ZNF385D: variants seen among roughly 807,000 people sequenced by gnomAD.
ZNF385D encodes zinc finger protein 385D.
ZNF385D carries 15 observed loss-of-function variants against 35.8 expected under a neutral mutation model. The ratio of observed to expected loss-of-function variants is 0.42; its 90% CI spans 0.28 to 0.64. The LOEUF (loss-of-function observed/expected upper bound fraction) is 0.64. Among genes scored for constraint, ZNF385D ranks in the 30% least tolerant of loss-of-function variants. The pLI, the probability that ZNF385D is intolerant of heterozygous loss-of-function variation, is 0.23. For synonymous variants in ZNF385D, 212 were observed against 186.8 expected (o/e 1.13, Z -1.10); for missense variants, 474 against 494.6 (o/e 0.96, Z 0.39).
At chr3:22,086,740 A>G (rs1576295361) in intron 3 of ZNF385D, among the ~76,000 whole-genome samples, 1 of 152,198 alleles carries the variant, frequency 6.6e-6, no homozygotes, top group East Asian at 1.9e-4. Flanking sequence ...ACACCATGGA[A>G]TACTATGCAG....
At position 21,842,110 on chromosome 3, in the gene ZNF385D, G is replaced by T. The variant is rs564880160; in HGVS notation, c.326-177082C>A. 2.5e-4 allele frequency among the ~76,000 whole-genome samples: 38 copies of T among 151,848 alleles called. No homozygotes were observed. In the South Asian group the frequency reaches 4.0e-3, roughly 16 times the overall value. On this transcript the variant is annotated intron_variant, in intron 3 of 5. Coordinates refer to the ZNF385D transcript ENST00000494108. ...TAAAACTATATGTTATTTTAAAGCT[G>T]CTTTCTCTTTCAGATGAAAAACCAA...
At chr3:22,073,904 T>C (rs1225558800) in intron 3 of ZNF385D, among the ~76,000 whole-genome samples, 3 of 151,952 alleles carry the variant, frequency 2.0e-5, no homozygotes, top group African/African-American at 7.2e-5. Flanking sequence ...ATGAATAGTT[T>C]CGCATCCTTT....
At chr3:21,480,570 C>T (rs747830788) in intron 4 of ZNF385D, among the ~76,000 whole-genome samples, 10 of 152,018 alleles carry the variant, frequency 6.6e-5, no homozygotes, top group African/African-American at 1.7e-4. Flanking sequence ...ACATACAGCC[C>T]GGTCACCCAG....
chr3:22,177,379 T>C (rs530181573), intron 2 of ZNF385D, among the ~76,000 whole-genome samples: 1 of 152,300 alleles, frequency 6.6e-6, no homozygotes, highest in Admixed American at 6.5e-5. Flanking sequence ...TGTTCTTATG[T>C]ATATCTGGTG....
At chr3:21,483,911 A>T (rs1371752773) in intron 4 of ZNF385D, among the ~76,000 whole-genome samples, 3 of 152,144 alleles carry the variant, frequency 2.0e-5, no homozygotes, top group African/African-American at 7.2e-5. Flanking sequence ...GATGAAATCC[A>T]ATTTATCTTT....
At chr3:22,112,579 A>G (rs548284829) in intron 3 of ZNF385D, among the ~76,000 whole-genome samples, 8 of 152,104 alleles carry the variant, frequency 5.3e-5, no homozygotes, top group Admixed American at 2.0e-4. Flanking sequence ...CAGCTATGTA[A>G]GTGTTATGAC....
chr3:22,140,158 G>A (rs565920999), intron 3 of ZNF385D, among the ~76,000 whole-genome samples: 14 of 152,224 alleles, frequency 9.2e-5, no homozygotes, highest in Middle Eastern at 6.8e-3. Context: ...ATGTTTATAG[G>A]AGCTTTGTAA....
At chr3:21,885,740 C>CTGTGTGTGTG (rs3074769) in intron 3 of ZNF385D, among the ~76,000 whole-genome samples, 11,913 of 100,988 alleles carry the variant, frequency 0.12, 699 homozygotes, top group Non-Finnish European at 0.15. Context: ...GTGTCTGTGT[C>CTGTGTGTGTG]TGTGTGTGTG....
At position 21,419,961 on chromosome 3, in the gene ZNF385D, A is replaced by G. The variant is rs1480027645; in HGVS notation, c.*1253T>C. The G allele has an allele frequency of 2.0e-5, 3 of 151,978 alleles. No individual in the cohort carries two copies. Among genetic ancestry groups the G allele is most frequent in the East Asian group, 3.9e-4 (2 of 5,188 alleles). The allele number at this position is 151,978 out of a possible 1,614,324, so 9.4% of individuals were successfully genotyped here. On this transcript the variant is annotated 3_prime_UTR_variant, in exon 8 of 8. Coordinates refer to ENST00000281523, the MANE Select transcript of ZNF385D (RefSeq NM_024697.3). ...TATCAAAGGCTCTCAGTATTTCACAACTCCACTGGAGAAATAATTGTCGAG... is the reference window on the plus strand; with the variant it reads ...TATCAAAGGCTCTCAGTATTTCACAGCTCCACTGGAGAAATAATTGTCGAG...
intron 3 of ZNF385D, among the ~76,000 whole-genome samples, chr3:21,766,641 A>G (rs904355530): frequency 2.0e-5 from 3 of 152,282 alleles, no homozygotes; most frequent in East Asian, 1.9e-4. Flanking sequence ...AAGGCCCACT[A>G]TGGAAGCAGT....
At chr3:22,080,477 AATC>A (rs1384321665) in intron 3 of ZNF385D, among the ~76,000 whole-genome samples, 1 of 152,122 alleles carries the variant, frequency 6.6e-6, no homozygotes, top group African/African-American at 2.4e-5. Context: ...AGGAAACTAA[AATC>A]ATATAAATAA....
At chr3:21,998,829 G>T (rs1695652288) in intron 3 of ZNF385D, among the ~76,000 whole-genome samples, 1 of 152,126 alleles carries the variant, frequency 6.6e-6, no homozygotes, top group African/African-American at 2.4e-5. Flanking sequence ...GGAGTTTGTT[G>T]TAACATACGC....
At chr3:21,827,657 T>C (rs888414656) in intron 3 of ZNF385D, among the ~76,000 whole-genome samples, 12 of 152,194 alleles carry the variant, frequency 7.9e-5, no homozygotes, top group African/African-American at 2.9e-4. Flanking sequence ...ATTAATATAT[T>C]GGAGTGCCTC....
intron 2 of ZNF385D, among the ~76,000 whole-genome samples, chr3:22,317,274 C>T (rs1426356091): frequency 1.5e-5 from 1 of 67,488 alleles, no homozygotes; most frequent in African/African-American, 6.6e-5. Flanking sequence ...AGTGAAACTC[C>T]ATCTCCAAAA....
At chr3:21,745,708 T>C (rs1277029989) in intron 1 of ZNF385D, among the ~76,000 whole-genome samples, 1 of 152,234 alleles carries the variant, frequency 6.6e-6, no homozygotes, top group Non-Finnish European at 1.5e-5. Flanking sequence ...ACTATGACCT[T>C]TGTTGTTTTT....
intron 1 of ZNF385D, among the ~76,000 whole-genome samples, chr3:21,682,237 A>C (rs1227265637): frequency 7.5e-6 from 1 of 132,936 alleles, no homozygotes; most frequent in Non-Finnish European, 1.7e-5. Context: ...TTTAAGTTAG[A>C]AGCCAGAAAG....
chr3:22,132,010 G>T (rs938000690), intron 3 of ZNF385D, among the ~76,000 whole-genome samples: 1 of 152,154 alleles, frequency 6.6e-6, no homozygotes, highest in African/African-American at 2.4e-5. Flanking sequence ...TGAAGTAGGA[G>T]AATTGCATTA....
In ZNF385D at chr3:21,437,152, C is replaced by T. The variant is rs781041747; in HGVS notation, c.491G>A (p.Arg164His). 18 of 1,613,802 alleles carry T rather than the reference C, an allele frequency of 1.1e-5. No homozygotes were observed. In the Admixed American group the frequency reaches 2.0e-4, roughly 18 times the overall value. The change falls in exon 5 of 8, where the codon CGC (arginine) becomes CAC (histidine). Residue 164 changes from arginine to histidine, a missense_variant. Physicochemically the swap from Arg to His is conservative, Grantham distance 29. Transcript: ENST00000281523. The part of the protein sequence containing the change: ...AISTTTTVEI[R>H]KSSVMTTEIT... ...CTCAGTTGTCATAACACTGCTTTTG[C>T]GGATTTCCACAGTTGTCGTCGTTGA...
At chr3:22,023,689 T>C (rs942597364) in intron 3 of ZNF385D, among the ~76,000 whole-genome samples, 4 of 152,112 alleles carry the variant, frequency 2.6e-5, no homozygotes, top group African/African-American at 7.2e-5. Context: ...GATGATTCAC[T>C]AAATCTCAAT....
Sources: allele counts gnomAD v4.1 joint callset (sites outside exome capture counted in the v4.1 genomes callset), GRCh38; gene constraint gnomAD v4.1.1; transcripts MANE v1.5; gene names NCBI Gene and HGNC (gene_info 2026-07-23, HGNC 2026-07-21).